Variants in MYO6 observed in about 807,000 individuals in gnomAD.
The protein encoded by MYO6 is unconventional myosin-VI.
MYO6 carries 74 observed loss-of-function variants against 178.7 expected under a neutral mutation model. The ratio of observed to expected loss-of-function variants is 0.41; its 90% CI spans 0.34 to 0.50. The LOEUF (loss-of-function observed/expected upper bound fraction) is 0.50, where lower values mean the gene tolerates loss of function less well. Ranked by LOEUF, MYO6 falls within the 20% of genes least tolerant of loss-of-function variation. MYO6 has a pLI of 0.09. For synonymous variants in MYO6, 477 were observed against 504.6 expected (o/e 0.95, Z 0.73); for missense variants, 1,330 against 1,547.4 (o/e 0.86, Z 2.36).
chr6:75,796,402 T>C (rs1201811813), intron 1 of MYO6, among the ~76,000 whole-genome samples: 2 of 152,200 alleles, frequency 1.3e-5, no homozygotes, highest in African/African-American at 4.8e-5. Flanking sequence ...AGCTTTTAAT[T>C]TCACATCTTT....
chr6:75,898,583 G>A (rs1779491284), intron 30 of MYO6, among the ~76,000 whole-genome samples, 172 bp downstream of exon 30: 1 of 152,088 alleles, frequency 6.6e-6, no homozygotes. Context: ...ACCCAACAAA[G>A]AAAAAGTTAA....
chr6:75,830,687 A>G, intron 5 of MYO6, 142 bp downstream of exon 5: 1 of 800,510 alleles, frequency 1.2e-6, no homozygotes, highest in Non-Finnish European at 2.0e-6. Flanking sequence ...ATATATCAAC[A>G]TTGTTAGGAG....
At chr6:75,817,211 A>G (rs977964645) in intron 1 of MYO6, among the ~76,000 whole-genome samples, 1 of 151,648 alleles carries the variant, frequency 6.6e-6, no homozygotes, top group Non-Finnish European at 1.5e-5. Context: ...AGGCTGAGGC[A>G]GGAGAATGGC....
At chr6:75,900,766 T>G (rs1779702414) in intron 30 of MYO6, among the ~76,000 whole-genome samples, 2 of 151,764 alleles carry the variant, frequency 1.3e-5, no homozygotes, top group Admixed American at 6.6e-5. Context: ...TTTTGGCTTT[T>G]GTTGCCATTG....
In MYO6 at chr6:75,766,640, C is replaced by G. The variant is rs535640453; in HGVS notation, c.-48+17217C>G. ...AATATGCAAGTATTGTAATTGGTGA[C>G]TCAAATATCTTTATTAGCATTGCTC... is the stretch of plus-strand genomic sequence containing the variant. On this transcript the variant is annotated intron_variant, in intron 1 of 34. Coordinates refer to ENST00000369977, the MANE Select transcript of MYO6 (RefSeq NM_004999.4). Among the ~76,000 whole-genome samples, 5 of 152,268 alleles carry G rather than the reference C, an allele frequency of 3.3e-5. No homozygotes were observed. In the South Asian group the frequency reaches 1.0e-3, roughly 32 times the overall value.
chr6:75,803,147 G>A (rs1001885081), intron 1 of MYO6, among the ~76,000 whole-genome samples: 5 of 152,086 alleles, frequency 3.3e-5, no homozygotes, highest in Non-Finnish European at 4.4e-5. Flanking sequence ...CTGAAAATCT[G>A]TAAGAAAATC....
chr6:75,826,058 G>T (rs1029235651), intron 3 of MYO6, among the ~76,000 whole-genome samples: 1 of 152,158 alleles, frequency 6.6e-6, no homozygotes, highest in African/African-American at 2.4e-5. Flanking sequence ...TCCTAGGACT[G>T]ACTACTAGGA....
At chr6:75,856,613 CTCTGTG>C (rs1442712964) in intron 12 of MYO6, among the ~76,000 whole-genome samples, 5 of 151,856 alleles carry the variant, frequency 3.3e-5, no homozygotes, top group Non-Finnish European at 5.9e-5. Flanking sequence ...AGGACAATGG[CTCTGTG>C]TCTGTACCTG....
chr6:75,839,998 C>CAT (rs1774055187), intron 7 of MYO6, among the ~76,000 whole-genome samples: 1 of 151,124 alleles, frequency 6.6e-6, no homozygotes, highest in African/African-American at 2.4e-5. Context: ...AATTTTGTAA[C>CAT]ATAGTGGCTT....
At chr6:75,810,695 T>C (rs1770611982) in intron 1 of MYO6, among the ~76,000 whole-genome samples, 1 of 152,038 alleles carries the variant, frequency 6.6e-6, no homozygotes, top group Admixed American at 6.5e-5. Flanking sequence ...GTATCAGGGG[T>C]CGGGGAGTCT....
chr6:75,866,743 C>A, intron 17 of MYO6, 122 bp downstream of exon 17: 1 of 1,121,792 alleles, frequency 8.9e-7, no homozygotes, highest in Non-Finnish European at 1.3e-6. Flanking sequence ...AGTAAAATTA[C>A]AAGTTCAATT....
rs1781316306 is a variant in MYO6 at position 75,919,485 on chromosome 6, A to C, written c.*4473A>C. ...AAGTGTATATCTAATGCTTTCTCTA[A>C]AAATTGATGTACTGGAAATACAAAT... On this transcript the variant is annotated 3_prime_UTR_variant, in exon 35 of 35. Coordinates refer to ENST00000369977, the MANE Select transcript of MYO6 (RefSeq NM_004999.4). 1 of 152,618 alleles carries C rather than the reference A, an allele frequency of 6.6e-6. No individual in the cohort carries two copies. The highest frequency in any genetic ancestry group is 1.5e-5 in the Non-Finnish European group (1 of 68,040). The allele number at this position is 152,618 out of a possible 1,614,324, so 9.5% of individuals were successfully genotyped here.
chr6:75,799,262 C>T (rs1769179614), intron 1 of MYO6, among the ~76,000 whole-genome samples: 1 of 151,928 alleles, frequency 6.6e-6, no homozygotes, highest in African/African-American at 2.4e-5. Flanking sequence ...TGGTGGCAGG[C>T]CCCTGTAATC....
At chr6:75,816,301 A>G (rs1771238461) in intron 1 of MYO6, among the ~76,000 whole-genome samples, 1 of 152,260 alleles carries the variant, frequency 6.6e-6, no homozygotes, top group Non-Finnish European at 1.5e-5. Flanking sequence ...GGCAGAAACT[A>G]ACAGAACAGT....
chr6:75,914,009 C>G, intron 33 of MYO6, 54 bp from the exon 34 acceptor site: 1 of 1,536,220 alleles, frequency 6.5e-7, no homozygotes, highest in Admixed American at 1.7e-5. Context: ...GGATTAAAGG[C>G]TCTTTTCTTT....
intron 18 of MYO6, among the ~76,000 whole-genome samples, chr6:75,870,266 A>T (rs1236084655): frequency 6.6e-6 from 1 of 152,220 alleles, no homozygotes; most frequent in Non-Finnish European, 1.5e-5. Context: ...CACAAACTAC[A>T]GTTTGCCACA....
chr6:75,851,527 A>G (rs753732285), intron 11 of MYO6, among the ~76,000 whole-genome samples: 2 of 151,892 alleles, frequency 1.3e-5, no homozygotes, highest in Non-Finnish European at 2.9e-5. Context: ...TTTTGGCAGG[A>G]TATGGTGGTT....
Position 75,844,934 on chromosome 6 carries a change from A to G in MYO6, c.854A>G (p.Lys285Arg). Residue 285 changes from lysine (K) to arginine (R), a missense_variant, in exon 10 of 35, where the codon AAA (lysine) becomes AGA (arginine). Lys to Arg is a conservative substitution (Grantham distance 26). Coordinates refer to ENST00000369977, the MANE Select transcript of MYO6 (RefSeq NM_004999.4). Reference sequence around the variant, plus strand: ...GGCTGCACTAGATACTTTGCTAACAAAGAAACTGACAAACAGATTTTACAG... The same window carrying G: ...GGCTGCACTAGATACTTTGCTAACAGAGAAACTGACAAACAGATTTTACAG... ...NRGCTRYFANKETDKQILQNR... is the reference protein window; with the variant it reads ...NRGCTRYFANRETDKQILQNR... 1 of 1,613,564 alleles carries G rather than the reference A, an allele frequency of 6.2e-7. No individual in the cohort carries two copies. Among genetic ancestry groups the G allele is most frequent in the Non-Finnish European group, 8.5e-7 (1 of 1,179,644 alleles).
rs58697772 is a variant in MYO6, at chr6:75,805,021, A to ATTTT, written c.-47-12463_-47-12460dup. Among the ~76,000 whole-genome samples, 46 of 77,276 alleles carry ATTTT rather than the reference A, an allele frequency of 6.0e-4. 1 individual carries two copies. Among genetic ancestry groups the ATTTT allele is most frequent in the Middle Eastern group, 6.3e-3 (1 of 158 alleles). The allele number at this position is 77,276 out of a possible 152,430, so 50.7% of individuals were successfully genotyped here. A position where few individuals can be genotyped will look rare whatever the true frequency, so the allele number is the denominator to read the frequency against. ...CACACACATATATATATATATATATATTTTTTTTTTTTTTTTTTTTGAGAC... is the reference window on the plus strand; with the variant it reads ...CACACACATATATATATATATATATATTTTTTTTTTTTTTTTTTTTTTTTGAGAC... On this transcript the variant is annotated intron_variant, in intron 1 of 34. Transcript: ENST00000369977.
Sources: gnomAD v4.1 joint callset for allele counts (sites outside exome capture counted in the v4.1 genomes callset) on GRCh38, gnomAD v4.1.1 for gene constraint, MANE v1.5 for transcripts, NCBI Gene and HGNC (gene_info 2026-07-23, HGNC 2026-07-21) for gene names.